SCHIP1: variants seen among roughly 807,000 people sequenced by gnomAD.
SCHIP1 encodes the protein schwannomin-interacting protein 1.
In SCHIP1, 8 loss-of-function variants were observed where a neutral mutation model predicts 29.7. The observed-to-expected ratio is 0.27, with a 90% CI of 0.16 to 0.49. The LOEUF is 0.49. Ranked by LOEUF, SCHIP1 falls within the 20% of genes least tolerant of loss-of-function variation. The probability of loss-of-function intolerance (pLI) is 0.99; values close to 1 mark genes in which losing one functional copy is unlikely to be tolerated. For synonymous variants in SCHIP1, 76 were observed against 94.9 expected (o/e 0.80, Z 1.16); for missense variants, 193 against 294.6 (o/e 0.66, Z 2.52).
chr3:159,610,126 G>A, the SCHIP1 span, among the ~76,000 whole-genome samples: 3 of 152,282 alleles, frequency 2.0e-5, no homozygotes, highest in South Asian at 2.1e-4. Flanking sequence ...AATGCTCAGG[G>A]TCTCACAGCT....
At chr3:159,400,881 G>A in the SCHIP1 span, among the ~76,000 whole-genome samples, 1 of 152,112 alleles carries the variant, frequency 6.6e-6, no homozygotes, top group Non-Finnish European at 1.5e-5. Flanking sequence ...AGACTTCCAG[G>A]TCTTCCCTAT....
At chr3:159,559,754 C>T in the SCHIP1 span, among the ~76,000 whole-genome samples, 5 of 152,152 alleles carry the variant, frequency 3.3e-5, no homozygotes, top group East Asian at 1.9e-4. Context: ...TCCCACCCTT[C>T]AATCTCTGCC....
At chr3:159,403,060 G>T in the SCHIP1 span, among the ~76,000 whole-genome samples, 2 of 152,244 alleles carry the variant, frequency 1.3e-5, no homozygotes, top group East Asian at 3.9e-4. Flanking sequence ...CCATGGGCCA[G>T]GGACTCTGAA....
At chr3:159,343,571 A>G in the SCHIP1 span, among the ~76,000 whole-genome samples, 1 of 152,216 alleles carries the variant, frequency 6.6e-6, no homozygotes, top group Non-Finnish European at 1.5e-5. Context: ...CAAGAGGGCA[A>G]GCAGACAATC....
intron 3 of SCHIP1, chr3:159,886,985 C>A (rs562447425): frequency 6.5e-6 from 1 of 152,990 alleles, no homozygotes; most frequent in Non-Finnish European, 1.5e-5. Context: ...GAAAGACCCA[C>A]CCCCATAATT....
At chr3:159,754,641 T>G in the SCHIP1 span, among the ~76,000 whole-genome samples, 3 of 152,216 alleles carry the variant, frequency 2.0e-5, no homozygotes, top group African/African-American at 7.2e-5. Flanking sequence ...GCTCTAAGAC[T>G]TCTCATGTAA....
exon 4 of SCHIP1, chr3:159,887,753 G>A: frequency 6.2e-7 from 1 of 1,614,030 alleles, no homozygotes; most frequent in Non-Finnish European, 8.5e-7. Flanking sequence ...TACTGAAGAG[G>A]AGTCTGAATC....
the SCHIP1 span, among the ~76,000 whole-genome samples, chr3:159,645,740 A>G: frequency 6.6e-6 from 1 of 152,098 alleles, no homozygotes; most frequent in Non-Finnish European, 1.5e-5. Context: ...ATAGAGAAAT[A>G]CCACTGAGCA....
At chr3:159,655,044 C>T in the SCHIP1 span, among the ~76,000 whole-genome samples, 1 of 152,138 alleles carries the variant, frequency 6.6e-6, no homozygotes, top group Non-Finnish European at 1.5e-5. Context: ...GAGCACAGTA[C>T]AGTATAGTCA....
intron 6 of SCHIP1, among the ~76,000 whole-genome samples, chr3:159,894,952 G>A (rs1157365326): frequency 1.3e-5 from 2 of 152,142 alleles, no homozygotes; most frequent in Non-Finnish European, 2.9e-5. Context: ...ACCTTTTGAT[G>A]TATGTGCGTG....
chr3:159,686,207 G>A, the SCHIP1 span, among the ~76,000 whole-genome samples: 3 of 152,146 alleles, frequency 2.0e-5, no homozygotes, highest in Non-Finnish European at 2.9e-5. Flanking sequence ...AGGGCATAAG[G>A]AAAAGAAAAA....
the SCHIP1 span, among the ~76,000 whole-genome samples, chr3:159,484,219 C>T: frequency 1.3e-5 from 2 of 152,154 alleles, no homozygotes; most frequent in African/African-American, 2.4e-5. Context: ...GTTCAACTAA[C>T]CAGTTGCCTC....
the SCHIP1 span, among the ~76,000 whole-genome samples, chr3:159,383,158 T>G: frequency 6.7e-6 from 1 of 150,324 alleles, no homozygotes; most frequent in South Asian, 2.1e-4. Flanking sequence ...TTGCTTTTGG[T>G]GTTTTAGACA....
At chr3:159,395,025 A>C in the SCHIP1 span, among the ~76,000 whole-genome samples, 2 of 152,134 alleles carry the variant, frequency 1.3e-5, no homozygotes, top group African/African-American at 2.4e-5. Context: ...GATTCAACTT[A>C]TTCCTTGTTT....
chr3:159,360,907 A>G, the SCHIP1 span, among the ~76,000 whole-genome samples: 5 of 152,208 alleles, frequency 3.3e-5, no homozygotes, highest in Admixed American at 3.3e-4. Context: ...GAAGTGCTCC[A>G]TCAGCTGCTT....
At chr3:159,659,430 G>A in the SCHIP1 span, among the ~76,000 whole-genome samples, 5 of 152,340 alleles carry the variant, frequency 3.3e-5, no homozygotes, top group East Asian at 9.7e-4. Flanking sequence ...TGAGCCCTCA[G>A]CATCTCTAAA....
the SCHIP1 span, among the ~76,000 whole-genome samples, chr3:159,311,916 A>C: frequency 6.6e-6 from 1 of 152,162 alleles, no homozygotes; most frequent in Non-Finnish European, 1.5e-5. Flanking sequence ...TGAAAGTTTA[A>C]TCATCATGCT....
chr3:159,295,248 T>C, the SCHIP1 span, among the ~76,000 whole-genome samples: 24 of 104,550 alleles, frequency 2.3e-4, no homozygotes, highest in Non-Finnish European at 4.4e-4. Flanking sequence ...AAATTCTATC[T>C]CTACTAAAAA....
the SCHIP1 span, among the ~76,000 whole-genome samples, chr3:159,799,111 A>G: frequency 6.6e-6 from 1 of 152,184 alleles, no homozygotes; most frequent in African/African-American, 2.4e-5. Context: ...TCTGGTGTTC[A>G]AGAGGCTTTA....
Sources: gnomAD v4.1 joint callset for allele counts (sites outside exome capture counted in the v4.1 genomes callset) on GRCh38, gnomAD v4.1.1 for gene constraint, MANE v1.5 for transcripts, NCBI Gene and HGNC (gene_info 2026-07-23, HGNC 2026-07-21) for gene names.